The following TVP23C variants were observed in gnomAD, a reference collection of about 807,000 sequenced individuals.
TVP23C encodes the protein Golgi apparatus membrane protein TVP23 homolog C.
A neutral mutation model predicts 28.7 loss-of-function variants in TVP23C; 19 were observed. The ratio of observed to expected loss-of-function variants is 0.66; its 90% confidence interval spans 0.46 to 0.97. The LOEUF (loss-of-function observed/expected upper bound fraction) is 0.97, where lower values mean the gene tolerates loss of function less well. TVP23C is among the 50% of genes least tolerant of loss of function. The pLI is 0.00. For synonymous variants in TVP23C, 68 were observed against 81.7 expected (o/e 0.83, Z 0.90); for missense variants, 186 against 241.3 (o/e 0.77, Z 1.52).
chr17:15,502,803 CTCTCTCCTCT>C (rs1567627347), exon 6 of TVP23C: 73 of 1,455,600 alleles, frequency 5.0e-5, no homozygotes, highest in Admixed American at 7.4e-5. Context: ...CCTCTCTCCT[CTCTCTCCTCT>C]CTCTCTCTCT....
At chr17:15,520,723 T>G (rs1241409131) in intron 5 of TVP23C, among the ~76,000 whole-genome samples, 1 of 152,164 alleles carries the variant, frequency 6.6e-6, no homozygotes, top group Admixed American at 6.5e-5. Flanking sequence ...CCCTTAACAC[T>G]GGGGGCAAGC....
At chr17:15,503,463 C>T (rs1407725104) in intron 5 of TVP23C, 6 of 436,830 alleles carry the variant, frequency 1.4e-5, no homozygotes, top group Non-Finnish European at 2.0e-5. Flanking sequence ...AGTGCTTAGA[C>T]ATGAACAGTG....
intron 5 of TVP23C, chr17:15,530,787 G>A (rs1388327355): frequency 7.1e-6 from 1 of 141,526 alleles, no homozygotes; most frequent in East Asian, 2.0e-4. Flanking sequence ...GTGTCTCACT[G>A]TGTCACCCAA....
intron 3 of TVP23C, among the ~76,000 whole-genome samples, chr17:15,549,693 A>G (rs1983804643): frequency 6.6e-6 from 1 of 151,986 alleles, no homozygotes; most frequent in Admixed American, 6.6e-5. Flanking sequence ...AAAAAAAAAA[A>G]GATTTGAGAT....
intron 3 of TVP23C, among the ~76,000 whole-genome samples, chr17:15,551,627 G>A (rs915524830): frequency 2.0e-5 from 3 of 151,912 alleles, no homozygotes; most frequent in Admixed American, 6.6e-5. Flanking sequence ...CTTTGAATGC[G>A]GCCCAAGAGA....
Position 15,515,999 on chromosome 17 carries a change from C to G in TVP23C, c.463-12767G>C, listed in dbSNP as rs1014303029. Among the ~76,000 whole-genome samples, 6 of 152,324 alleles carry G rather than the reference C, an allele frequency of 3.9e-5. No individual in the cohort carries two copies. The East Asian group carries it at 1.2e-3, about 29-fold the overall frequency. ...AGTGTGTGGCCTCCACCCACTCTCT[C>G]TGTCCTTCTCCTGCCAGGTAAGACG... On this transcript the variant is annotated intron_variant, in intron 5 of 5. Transcript: ENST00000225576.
rs148381671 is a variant in TVP23C, at chr17:15,525,666, G to A, written c.462+20119C>T. Among the ~76,000 whole-genome samples, 914 of 145,056 alleles carry A rather than the reference G, an allele frequency of 6.3e-3. 15 individuals carry two copies. The highest frequency in any genetic ancestry group is 0.024 in the African/African-American group (843 of 35,648). ...AACTCCTTGAAATAAATCTCTCTCC[G>A]TGTGTGTGTGTGTGCATGTGTGTGT... On this transcript the variant is annotated intron_variant, in intron 5 of 5. Coordinates refer to the TVP23C transcript ENST00000225576.
chr17:15,514,863 G>A (rs1057172225), intron 5 of TVP23C, among the ~76,000 whole-genome samples: 2 of 152,290 alleles, frequency 1.3e-5, no homozygotes, highest in South Asian at 4.2e-4. Context: ...GATCCAACCT[G>A]AGCCCCTTCT....
In TVP23C at chr17:15,506,915, T is replaced by C; in HGVS notation, c.463-3683A>G. Reference sequence around the variant, plus strand: ...AACATCGCCATCAACGGGGAGCCCTTGGGCCGCATCTCCTTTGAGCTGTTT... The same window carrying C: ...AACATCGCCATCAACGGGGAGCCCTCGGGCCGCATCTCCTTTGAGCTGTTT... On this transcript the variant is annotated intron_variant, in intron 5 of 5. Transcript: ENST00000225576. The C allele has an allele frequency of 6.7e-6, 7 of 1,047,860 alleles. No individual in the cohort carries two copies. In the Admixed American group the frequency reaches 1.2e-4, roughly 19 times the overall value. The allele number at this position is 1,047,860 out of a possible 1,614,324, so 64.9% of individuals were successfully genotyped here.
downstream of TVP23C, among the ~76,000 whole-genome samples, chr17:15,535,041 G>GGCT (rs1457834157): frequency 6.9e-6 from 1 of 145,112 alleles, no homozygotes; most frequent in Non-Finnish European, 1.5e-5. Flanking sequence ...TTGTATCCAA[G>GGCT]GCTGACCCAG....
At chr17:15,549,051 T>G (rs1983774044) in intron 3 of TVP23C, among the ~76,000 whole-genome samples, 1 of 152,220 alleles carries the variant, frequency 6.6e-6, no homozygotes, top group African/African-American at 2.4e-5. Context: ...AAATTTACTT[T>G]TTTAATATTT....
intron 5 of TVP23C, among the ~76,000 whole-genome samples, chr17:15,523,613 ATTT>A (rs757429635): frequency 1.5e-5 from 2 of 136,516 alleles, no homozygotes; most frequent in African/African-American, 2.7e-5. Flanking sequence ...TGGCTGGAAG[ATTT>A]TTTTTTTTTC....
chr17:15,523,855 T>G (rs1362593388), intron 5 of TVP23C, among the ~76,000 whole-genome samples: 1 of 151,634 alleles, frequency 6.6e-6, no homozygotes, highest in Non-Finnish European at 1.5e-5. Context: ...CCTCGTGATC[T>G]GCCCGCCTCG....
At chr17:15,553,420 G>A (rs1238507584) in intron 3 of TVP23C, among the ~76,000 whole-genome samples, 2 of 150,034 alleles carry the variant, frequency 1.3e-5, no homozygotes, top group Admixed American at 6.7e-5. Context: ...ACATTTGTTT[G>A]TTTATTTGAC....
At chr17:15,560,414 C>T (rs1244207170) in intron 1 of TVP23C, among the ~76,000 whole-genome samples, 1 of 149,224 alleles carries the variant, frequency 6.7e-6, no homozygotes, top group Non-Finnish European at 1.5e-5. Context: ...AGAGCAGTTC[C>T]AGTACAGTTG....
At chr17:15,521,003 T>C (rs1037821412) in intron 5 of TVP23C, among the ~76,000 whole-genome samples, 4 of 151,464 alleles carry the variant, frequency 2.6e-5, no homozygotes, top group African/African-American at 9.7e-5. Flanking sequence ...AAAATAAAGC[T>C]AACCACAAAT....
At chr17:15,517,936 G>A (rs1451236777) in intron 5 of TVP23C, among the ~76,000 whole-genome samples, 6 of 152,146 alleles carry the variant, frequency 3.9e-5, no homozygotes, top group African/African-American at 7.2e-5. Flanking sequence ...GGAGGCCAAG[G>A]CGGGAGGATC....
chr17:15,548,695 T>C (rs993233498), intron 3 of TVP23C, among the ~76,000 whole-genome samples: 3 of 152,214 alleles, frequency 2.0e-5, no homozygotes, highest in Non-Finnish European at 2.9e-5. Context: ...ATCTTACCAT[T>C]AATAAATTCA....
chr17:15,506,550 C>T (rs1003767843), intron 5 of TVP23C, among the ~76,000 whole-genome samples: 9 of 152,228 alleles, frequency 5.9e-5, no homozygotes, highest in Non-Finnish European at 8.8e-5. Flanking sequence ...CCAGCAGTGG[C>T]AACCTGCTCA....
Sources: gnomAD v4.1 joint callset for allele counts (sites outside exome capture counted in the v4.1 genomes callset) on GRCh38, gnomAD v4.1.1 for gene constraint, MANE v1.5 for transcripts, NCBI Gene and HGNC (gene_info 2026-07-23, HGNC 2026-07-21) for gene names.